SNX29: variants seen among roughly 807,000 people sequenced by gnomAD.
The protein encoded by SNX29 is sorting nexin 29, also known as sorting nexin-29.
Under a neutral mutation model 102.1 loss-of-function variants are expected in SNX29, and 78 were observed. That is an observed-to-expected ratio of 0.76 (90% CI 0.64 to 0.92). The LOEUF (loss-of-function observed/expected upper bound fraction) is 0.92, where lower values mean the gene tolerates loss of function less well. Ranked by LOEUF, SNX29 falls within the 40% of genes least tolerant of loss-of-function variation. SNX29 has a pLI of 0.00. For synonymous variants in SNX29, 580 were observed against 414.5 expected (o/e 1.40, Z -4.85); for missense variants, 1,280 against 1,061.7 (o/e 1.21, Z -2.86).
chr16:12,519,205 A>G (rs2089996740), intron 19 of SNX29, among the ~76,000 whole-genome samples: 1 of 152,162 alleles, frequency 6.6e-6, no homozygotes, highest in Non-Finnish European at 1.5e-5. Flanking sequence ...GCCATACAAA[A>G]CATACCTGTG....
chr16:12,076,456 A>G (rs1227197677), intron 10 of SNX29, among the ~76,000 whole-genome samples: 3 of 152,032 alleles, frequency 2.0e-5, no homozygotes, highest in Non-Finnish European at 4.4e-5. Flanking sequence ...GTCCACCACC[A>G]TGCCCGGCTA....
intron 20 of SNX29, among the ~76,000 whole-genome samples, chr16:12,551,742 A>AC (rs1450040155): frequency 6.6e-6 from 1 of 152,162 alleles, no homozygotes; most frequent in Admixed American, 6.5e-5. Context: ...GACAAGAAAT[A>AC]CTTCCTGGCT....
intron 18 of SNX29, among the ~76,000 whole-genome samples, chr16:12,469,667 TAGAG>T (rs777754502): frequency 3.3e-5 from 5 of 152,186 alleles, no homozygotes; most frequent in Non-Finnish European, 7.4e-5. Flanking sequence ...CCTCGGGCAA[TAGAG>T]AGCGCATTTC....
chr16:12,425,370 C>A (rs1250535678), intron 18 of SNX29, among the ~76,000 whole-genome samples: 1 of 151,632 alleles, frequency 6.6e-6, no homozygotes, highest in South Asian at 2.1e-4. Context: ...GATCAGAGTG[C>A]CCCTGAGGCC....
intron 16 of SNX29, chr16:12,366,935 C>A (rs778654640): frequency 6.6e-6 from 1 of 152,196 alleles, no homozygotes; most frequent in Non-Finnish European, 1.5e-5. Flanking sequence ...CCTTCCCTTC[C>A]ACTCTCCCAT....
intron 16 of SNX29, among the ~76,000 whole-genome samples, chr16:12,384,091 T>G (rs753678238): frequency 1.3e-5 from 2 of 152,342 alleles, no homozygotes; most frequent in Non-Finnish European, 2.9e-5. Flanking sequence ...ACTGTGTATA[T>G]GTACCACATT....
chr16:12,178,431 C>T (rs1036102194), intron 13 of SNX29, among the ~76,000 whole-genome samples: 2 of 152,174 alleles, frequency 1.3e-5, no homozygotes, highest in Admixed American at 1.3e-4. Context: ...GGAATGCAAC[C>T]CTCAGTCAGG....
chr16:12,433,992 T>G (rs62028398), intron 18 of SNX29, among the ~76,000 whole-genome samples: 1 of 151,968 alleles, frequency 6.6e-6, no homozygotes, highest in African/African-American at 2.4e-5. Flanking sequence ...GCCCCCTGTT[T>G]TGAGGTCCTC....
intron 11 of SNX29, 44 bp downstream of exon 11, chr16:12,078,959 C>G (rs773189073): frequency 6.6e-7 from 1 of 1,515,866 alleles, no homozygotes; most frequent in East Asian, 2.4e-5. Context: ...GGGATGACTT[C>G]TGGCCCACGT....
intron 20 of SNX29, among the ~76,000 whole-genome samples, chr16:12,540,296 G>C (rs186134235): frequency 6.6e-5 from 10 of 152,242 alleles, no homozygotes; most frequent in South Asian, 2.1e-4. Context: ...GAGGCATTAC[G>C]GGGTGGCCCC....
chr16:12,506,409 T>C (rs529637769), intron 19 of SNX29, among the ~76,000 whole-genome samples: 35 of 152,202 alleles, frequency 2.3e-4, no homozygotes, highest in Non-Finnish European at 3.8e-4. Context: ...AAGTGGGAGA[T>C]GTTTGAAAGG....
chr16:12,214,963 G>A (rs932427615), intron 14 of SNX29, among the ~76,000 whole-genome samples: 5 of 152,224 alleles, frequency 3.3e-5, no homozygotes, highest in Non-Finnish European at 7.3e-5. Flanking sequence ...CTGAGTTGAT[G>A]TTGATACTGT....
intron 20 of SNX29, among the ~76,000 whole-genome samples, chr16:12,538,961 G>C (rs964329405): frequency 2.0e-5 from 3 of 152,162 alleles, no homozygotes; most frequent in African/African-American, 7.2e-5. Flanking sequence ...AAATGCTAAG[G>C]CAAGTGATAT....
In SNX29 at chr16:12,048,475, G is replaced by T; in HGVS notation, c.603G>T (p.Gln201His). 6.2e-7 allele frequency: 1 copy of T among 1,613,962 alleles called. No homozygotes were observed. Among genetic ancestry groups the T allele is most frequent in the Non-Finnish European group, 8.5e-7 (1 of 1,179,876 alleles). ...TVSDLLKEST[Q>H]NVTSLLKEST... Reference sequence around the variant, plus strand: ...CAGACCTCTTAAAGGAGTCAACGCAGAACGTGACCTCCTTGCTGAAGGAGT... The same window carrying T: ...CAGACCTCTTAAAGGAGTCAACGCATAACGTGACCTCCTTGCTGAAGGAGT... The change falls in exon 7 of 21, where the codon CAG (glutamine) becomes CAT (histidine). Residue 201 changes from glutamine to histidine, a missense_variant. Coordinates refer to ENST00000566228, the MANE Select transcript of SNX29 (RefSeq NM_032167.5).
At chr16:12,481,409 C>G (rs1004414772) in intron 19 of SNX29, among the ~76,000 whole-genome samples, 1 of 149,160 alleles carries the variant, frequency 6.7e-6, no homozygotes, top group Non-Finnish European at 1.5e-5. Flanking sequence ...CACACACACA[C>G]ACATATACAT....
At chr16:12,565,042 G>A (rs1219175896) in intron 20 of SNX29, among the ~76,000 whole-genome samples, 1 of 152,134 alleles carries the variant, frequency 6.6e-6, no homozygotes, top group Non-Finnish European at 1.5e-5. Context: ...GCCTGGCACT[G>A]GCTTCATTCC....
At chr16:12,153,439 C>T (rs893853862) in intron 13 of SNX29, among the ~76,000 whole-genome samples, 10 of 150,464 alleles carry the variant, frequency 6.6e-5, no homozygotes, top group South Asian at 2.1e-4. Flanking sequence ...CTTTCTCTCA[C>T]GCTCCCTCTG....
chr16:12,006,358 A>ATACAAAATT lies in SNX29; in HGVS notation c.122+3316_122+3324dup, dbSNP rs537933385. Among the ~76,000 whole-genome samples the ATACAAAATT allele has an allele frequency of 6.5e-3, 980 of 151,714 alleles. 13 individuals are homozygous for ATACAAAATT. The highest frequency in any genetic ancestry group is 0.036 in the East Asian group (187 of 5,160). On this transcript the variant is annotated intron_variant, in intron 3 of 20. Transcript: ENST00000566228. ...TGGAGAAACCCCGTCTCTACTTAAA[A>ATACAAAATT]TACAAAATTAGCCAGGCATGGTGGC...
intron 15 of SNX29, among the ~76,000 whole-genome samples, chr16:12,341,805 G>A (rs1046116784): frequency 6.6e-6 from 1 of 152,182 alleles, no homozygotes; most frequent in African/African-American, 2.4e-5. Flanking sequence ...GAGGGGGCTG[G>A]GAAGCTTGGG....
Sources: allele counts gnomAD v4.1 joint callset (sites outside exome capture counted in the v4.1 genomes callset), GRCh38; gene constraint gnomAD v4.1.1; transcripts MANE v1.5; gene names NCBI Gene and HGNC (gene_info 2026-07-23, HGNC 2026-07-21).